The following NCOR1 variants were observed in gnomAD, a reference collection of about 807,000 sequenced individuals.
The protein encoded by NCOR1 is nuclear receptor corepressor 1, also known as protein phosphatase 1, regulatory subunit 109.
NCOR1 carries 63 observed loss-of-function variants against 288.1 expected under a neutral mutation model. The observed-to-expected ratio is 0.22, with a 90% confidence interval of 0.18 to 0.27. The LOEUF is 0.27. NCOR1 is among the 10% of genes least tolerant of loss of function. The pLI, the probability that NCOR1 is intolerant of heterozygous loss-of-function variation, is 1.00. For missense variants in NCOR1, 2,397 were observed against 3,019.2 expected, an observed-to-expected ratio of 0.79 and a Z score of 4.83; for synonymous variants, 1,007 against 1,065.9, an observed-to-expected ratio of 0.94 and a Z score of 1.08.
chr17:16,067,925 T>A lies in NCOR1; in HGVS notation c.4710A>T (p.Pro1570=). The part of the protein sequence containing the change: ...YRSHLPTHLD[P]AMPFHRALDP... ...CCAAAGCCCTGTGAAAAGGCATGGC[T>A]GGATCCAAGTGCGTGGGCAGGTGGC... The change falls in exon 32 of 46, where the codon CCA becomes CCT. Residue 1570 remains proline (P), a synonymous_variant. Transcript: ENST00000268712. The A allele has an allele frequency of 1.9e-6, 3 of 1,614,154 alleles. No homozygotes were observed. Among genetic ancestry groups the A allele is most frequent in the Non-Finnish European group, 1.7e-6 (2 of 1,180,008 alleles).
intron 2 of NCOR1, among the ~76,000 whole-genome samples, chr17:16,193,027 G>A (rs200740671): frequency 6.6e-6 from 1 of 152,186 alleles, no homozygotes; most frequent in Non-Finnish European, 1.5e-5. Flanking sequence ...TTAGTAGGAA[G>A]TCGGGGAGGA....
chr17:16,056,393 AT>A (rs2059931538), intron 40 of NCOR1, among the ~76,000 whole-genome samples: 1 of 135,336 alleles, frequency 7.4e-6, no homozygotes, highest in African/African-American at 2.8e-5. Context: ...GGTTCAAGTG[AT>A]TCTTCCGCCC....
chr17:16,196,205 A>G (rs1246804316), intron 1 of NCOR1, among the ~76,000 whole-genome samples: 1 of 150,848 alleles, frequency 6.6e-6, no homozygotes, highest in African/African-American at 2.4e-5. Flanking sequence ...TTATTAGTAA[A>G]GTTTTAATTT....
chr17:16,112,331 C>T (rs1310782279), intron 18 of NCOR1, among the ~76,000 whole-genome samples: 1 of 152,010 alleles, frequency 6.6e-6, no homozygotes, highest in African/African-American at 2.4e-5. Flanking sequence ...TTATTATTAA[C>T]CTAAAGGCCG....
chr17:16,107,687 G>A (rs2069071577), intron 19 of NCOR1, among the ~76,000 whole-genome samples: 1 of 152,088 alleles, frequency 6.6e-6, no homozygotes, highest in African/African-American at 2.4e-5. Context: ...AAAACCAAGA[G>A]ACTCTGACAA....
chr17:16,136,468 A>G (rs571647079), intron 14 of NCOR1, among the ~76,000 whole-genome samples: 209 of 152,302 alleles, frequency 1.4e-3, no homozygotes, highest in Non-Finnish European at 2.5e-3. Flanking sequence ...CGGGGATTAC[A>G]GGTGTGAGCC....
intron 14 of NCOR1, among the ~76,000 whole-genome samples, chr17:16,135,810 A>G (rs1339017551): frequency 6.6e-6 from 1 of 152,244 alleles, no homozygotes; most frequent in African/African-American, 2.4e-5. Context: ...GTGAATACTG[A>G]GAGAACTGGG....
intron 18 of NCOR1, among the ~76,000 whole-genome samples, chr17:16,115,159 T>C (rs553372281): frequency 1.3e-5 from 2 of 152,224 alleles, no homozygotes; most frequent in Non-Finnish European, 2.9e-5. Flanking sequence ...CGGCCCAAGC[T>C]GTACCTTGGC....
intron 1 of NCOR1, among the ~76,000 whole-genome samples, chr17:16,202,126 G>T (rs1240638056): frequency 6.6e-6 from 1 of 151,424 alleles, no homozygotes; most frequent in African/African-American, 2.4e-5. Context: ...TGGGAGGCTG[G>T]GGCAGGAGAA....
rs188148344 is a variant in NCOR1, at chr17:16,107,191, G to A, written c.2182+1595C>T. Among the ~76,000 whole-genome samples, 351 of 152,070 alleles carry A rather than the reference G, an allele frequency of 2.3e-3. 1 individual carries two copies. The highest frequency in any genetic ancestry group is 0.01 in the Middle Eastern group (3 of 294). On this transcript the variant is annotated intron_variant, in intron 19 of 45. Transcript: ENST00000268712. The stretch of plus-strand genomic sequence containing the variant: ...GTTACAGGCATGAGCCACTGCGCCC[G>A]GCCCAGATAGACATATTAATACCAG...
At chr17:16,094,911 G>C (rs554136814) in intron 21 of NCOR1, among the ~76,000 whole-genome samples, 2 of 152,216 alleles carry the variant, frequency 1.3e-5, no homozygotes, top group African/African-American at 2.4e-5. Context: ...ATCTCGGCTC[G>C]CTACAACCTC....
chr17:16,057,891 A>G lies in NCOR1; in HGVS notation c.6168+16T>C. The G allele has an allele frequency of 6.4e-7, 1 of 1,573,432 alleles. No homozygotes were observed. The highest frequency in any genetic ancestry group is 8.6e-7 in the Non-Finnish European group (1 of 1,164,410). On this transcript the variant is annotated intron_variant, in intron 39 of 45. Coordinates refer to ENST00000268712, the MANE Select transcript of NCOR1 (RefSeq NM_006311.4). ...AAAAAAGAAAAATTAACTAATAAGA[A>G]TAATGAAAAACTTACACAGATGTGA... is the stretch of plus-strand genomic sequence containing the variant.
At chr17:16,083,027 T>C (rs1466932017) in intron 23 of NCOR1, among the ~76,000 whole-genome samples, 2 of 152,140 alleles carry the variant, frequency 1.3e-5, no homozygotes, top group Non-Finnish European at 2.9e-5. Context: ...TATTCCTGTA[T>C]CAAGACCATC....
intron 22 of NCOR1, among the ~76,000 whole-genome samples, chr17:16,088,896 T>C (rs1384973360): frequency 1.3e-5 from 2 of 152,178 alleles, no homozygotes; most frequent in African/African-American, 4.8e-5. Flanking sequence ...GGTGTATCCA[T>C]CAAGACGATG....
intron 18 of NCOR1, among the ~76,000 whole-genome samples, chr17:16,110,757 G>A (rs558199265): frequency 6.6e-6 from 1 of 152,096 alleles, no homozygotes; most frequent in African/African-American, 2.4e-5. Context: ...ATTCTCATGC[G>A]GATGATATTT....
intron 19 of NCOR1, 88 bp downstream of exon 19, chr17:16,108,697 CA>C: frequency 8.7e-7 from 1 of 1,144,946 alleles, no homozygotes; most frequent in South Asian, 2.0e-5. Context: ...ACTGTTTCCT[CA>C]ATGAAGCAAC....
chr17:16,163,474 T>C (rs2081309134), intron 5 of NCOR1, among the ~76,000 whole-genome samples: 1 of 151,956 alleles, frequency 6.6e-6, no homozygotes, highest in African/African-American at 2.4e-5. Context: ...CCACTTCACA[T>C]CTCCAAGGAT....
At chr17:16,041,816 A>C (rs772639976) in intron 42 of NCOR1, among the ~76,000 whole-genome samples, 4 of 151,910 alleles carry the variant, frequency 2.6e-5, no homozygotes, top group African/African-American at 2.4e-5. Context: ...GGCTCACTGC[A>C]AGCTCTGCCT....
chr17:16,153,431 A>G (rs781469514), intron 6 of NCOR1, 36 bp from the exon 7 acceptor site: 1 of 1,349,808 alleles, frequency 7.4e-7, no homozygotes, highest in South Asian at 1.4e-5. Context: ...ATATAATTAA[A>G]AATTACATTA....
Sources: gnomAD v4.1 joint callset for allele counts (sites outside exome capture counted in the v4.1 genomes callset) on GRCh38, gnomAD v4.1.1 for gene constraint, MANE v1.5 for transcripts, NCBI Gene and HGNC (gene_info 2026-07-23, HGNC 2026-07-21) for gene names.